Variants in SIM1 observed in about 807,000 individuals in gnomAD.
SIM1 encodes single-minded homolog 1.
Under a neutral mutation model 78.2 loss-of-function variants are expected in SIM1, and 18 were observed. The ratio of observed to expected loss-of-function variants is 0.23; its 90% CI spans 0.16 to 0.34. The LOEUF (loss-of-function observed/expected upper bound fraction) is 0.34, where lower values mean the gene tolerates loss of function less well. Ranked by LOEUF, SIM1 falls within the 10% of genes least tolerant of loss-of-function variation. The pLI, the probability that SIM1 is intolerant of heterozygous loss-of-function variation, is 1.00. For missense variants in SIM1, 939 were observed against 975.1 expected (o/e 0.96, Z 0.49); for synonymous variants, 417 against 385.2 (o/e 1.08, Z -0.97).
intron 8 of SIM1, among the ~76,000 whole-genome samples, 193 bp downstream of exon 8, chr6:100,447,953 G>A (rs1486957324): frequency 6.6e-6 from 1 of 152,230 alleles, no homozygotes. Context: ...CTATATTAGC[G>A]GCCCGCGGAT....
chr6:100,395,287 A>C (rs1336793233), intron 10 of SIM1, among the ~76,000 whole-genome samples: 1 of 152,148 alleles, frequency 6.6e-6, no homozygotes, highest in Non-Finnish European at 1.5e-5. Context: ...TTGTCATTTA[A>C]TCATTCCATA....
chr6:100,441,502 TG>T (rs768166462), intron 9 of SIM1, among the ~76,000 whole-genome samples: 24 of 152,366 alleles, frequency 1.6e-4, no homozygotes, highest in African/African-American at 4.8e-4. Context: ...ACATCTGACT[TG>T]GTTTGCAAAT....
intron 10 of SIM1, among the ~76,000 whole-genome samples, chr6:100,405,460 C>G (rs957323058): frequency 6.6e-6 from 1 of 152,120 alleles, no homozygotes; most frequent in African/African-American, 2.4e-5. Flanking sequence ...AAATTATCAG[C>G]TTCCCAAAAC....
chr6:100,442,181 A>T (rs1772236550), intron 9 of SIM1, among the ~76,000 whole-genome samples: 1 of 152,218 alleles, frequency 6.6e-6, no homozygotes, highest in African/African-American at 2.4e-5. Context: ...AAAAAATACA[A>T]AGTCTGTAAG....
chr6:100,432,966 T>C (rs1004287817), intron 9 of SIM1, among the ~76,000 whole-genome samples: 4 of 152,194 alleles, frequency 2.6e-5, no homozygotes, highest in African/African-American at 7.2e-5. Flanking sequence ...GGTGTTGTTC[T>C]TGACTCCTTT....
intron 9 of SIM1, chr6:100,437,400 T>A (rs954890196): frequency 5.3e-5 from 8 of 152,152 alleles, no homozygotes; most frequent in African/African-American, 1.7e-4. Context: ...TTTTCTCCAA[T>A]CTGCTGGTGT....
Position 100,412,607 on chromosome 6 carries a change from GAAAGGAAAGAAA to G in SIM1, c.1167+8171_1167+8182del, listed in dbSNP as rs1562239614. On this transcript the variant is annotated intron_variant, in intron 10 of 11. Transcript: ENST00000369208. ...AGAAAGAAAGAAAGAAAGAAAGAAAGAAAGGAAAGAAAGAAGGAAAGAAAGAAAGAAAAGAAA... is the reference window on the plus strand; with the variant it reads ...AGAAAGAAAGAAAGAAAGAAAGAAAGGAAGGAAAGAAAGAAAGAAAAGAAA... Among the ~76,000 whole-genome samples, 54 of 92,922 alleles carry G rather than the reference GAAAGGAAAGAAA, an allele frequency of 5.8e-4. 8 individuals carry two copies. Among genetic ancestry groups the G allele is most frequent in the African/African-American group, 1.9e-3 (48 of 24,718 alleles). 61.0% of individuals were successfully genotyped at this position (92,922 alleles called of 152,430 possible).
chr6:100,403,018 CCAAT>C (rs1232723662), intron 10 of SIM1, among the ~76,000 whole-genome samples: 5 of 152,170 alleles, frequency 3.3e-5, no homozygotes, highest in South Asian at 4.2e-4. Flanking sequence ...TTAGATTATA[CCAAT>C]CAATTAAGAA....
intron 9 of SIM1, among the ~76,000 whole-genome samples, chr6:100,438,272 C>T (rs550861927): frequency 6.6e-6 from 1 of 152,110 alleles, no homozygotes; most frequent in Admixed American, 6.5e-5. Flanking sequence ...CAAGAAAATA[C>T]AAATAATACC....
chr6:100,393,540 C>T lies in SIM1; in HGVS notation c.1517G>A (p.Arg506Lys). The change falls in exon 11 of 12, where the codon AGA (arginine) becomes AAA (lysine). Residue 506 changes from arginine to lysine, a missense_variant. Arg to Lys is a conservative substitution (Grantham distance 26). Coordinates refer to ENST00000369208, the MANE Select transcript of SIM1 (RefSeq NM_005068.3). ...LPLTKASPES[R>K]EAYENSMPHI... The stretch of plus-strand genomic sequence containing the variant: ...AGGCATGCTGTTTTCATAGGCTTCT[C>T]TGCTTTCTGGGGAGGCCTTTGTCAG... 6.3e-7 allele frequency: 1 copy of T among 1,598,736 alleles called. No individual in the cohort carries two copies. Among genetic ancestry groups the T allele is most frequent in the Non-Finnish European group, 8.5e-7 (1 of 1,169,646 alleles).
rs1271456411 is a variant in SIM1 at position 100,412,669 on chromosome 6, G to A, written c.1167+8121C>T. ...AGAAAGAAAGAAAGAGAGAGAGAGA[G>A]AGAGAAAGAAAGAAAAAGAAAGAAA... On this transcript the variant is annotated intron_variant, in intron 10 of 11. Coordinates refer to ENST00000369208, the MANE Select transcript of SIM1 (RefSeq NM_005068.3). Among the ~76,000 whole-genome samples, 209 of 117,518 alleles carry A rather than the reference G, an allele frequency of 1.8e-3. 3 individuals are homozygous for A. The highest frequency in any genetic ancestry group is 8.7e-3 in the Middle Eastern group (2 of 230). The allele number at this position is 117,518 out of a possible 152,430, so 77.1% of individuals were successfully genotyped here. A position where few individuals can be genotyped will look rare whatever the true frequency, so the allele number is the denominator to read the frequency against.
chr6:100,437,251 T>G (rs1772080316), intron 9 of SIM1: 1 of 152,188 alleles, frequency 6.6e-6, no homozygotes, highest in Non-Finnish European at 1.5e-5. Context: ...TCCTATGTTT[T>G]TCAGAGTTTG....
In SIM1 at chr6:100,451,315, G is replaced by T. The variant is rs373868131; in HGVS notation, c.259-959C>A. ...AGAGAAAGAGCATTCTAGGCAGAAG[G>T]AATGAAGTGGCCAAGTCTGCTGGGT... On this transcript the variant is annotated intron_variant, in intron 3 of 11. Coordinates refer to ENST00000369208, the MANE Select transcript of SIM1 (RefSeq NM_005068.3). 3.7e-3 allele frequency among the ~76,000 whole-genome samples: 571 copies of T among 152,310 alleles called. 24 individuals are homozygous for T. The South Asian group carries it at 0.098, about 26-fold the overall frequency.
intron 9 of SIM1, among the ~76,000 whole-genome samples, chr6:100,424,660 C>T (rs1771678848): frequency 6.6e-6 from 1 of 151,822 alleles, no homozygotes. Context: ...AGGTTGGTCT[C>T]ATACTCCCAG....
chr6:100,429,368 CAAA>C (rs34978126), intron 9 of SIM1, among the ~76,000 whole-genome samples: 8 of 133,230 alleles, frequency 6.0e-5, no homozygotes, highest in South Asian at 4.8e-4. Context: ...GACTCTGTCT[CAAA>C]AAAAAAAAAA....
intron 9 of SIM1, chr6:100,427,394 C>T (rs1044382431): frequency 5.9e-5 from 9 of 152,182 alleles, no homozygotes; most frequent in Non-Finnish European, 2.9e-5. Flanking sequence ...TTTACATAAA[C>T]ATACATTGCC....
chr6:100,441,150 G>A (rs1054669599), intron 9 of SIM1, among the ~76,000 whole-genome samples: 1 of 152,160 alleles, frequency 6.6e-6, no homozygotes, highest in Non-Finnish European at 1.5e-5. Context: ...CTCTACCCAG[G>A]AACTAAAGGG....
At chr6:100,426,856 G>A (rs2114512366) in intron 9 of SIM1, among the ~76,000 whole-genome samples, 1 of 152,270 alleles carries the variant, frequency 6.6e-6, no homozygotes, top group Middle Eastern at 3.4e-3. Flanking sequence ...TTTATGTCAT[G>A]TGGCAATTCT....
intron 2 of SIM1, among the ~76,000 whole-genome samples, chr6:100,458,740 CCT>C (rs952465764): frequency 6.6e-6 from 1 of 152,216 alleles, no homozygotes; most frequent in Non-Finnish European, 1.5e-5. Flanking sequence ...ATGATTGTCC[CCT>C]GTCGGCCCTG....
Sources: gnomAD v4.1 joint callset for allele counts (sites outside exome capture counted in the v4.1 genomes callset) on GRCh38, gnomAD v4.1.1 for gene constraint, MANE v1.5 for transcripts, NCBI Gene and HGNC (gene_info 2026-07-23, HGNC 2026-07-21) for gene names.